Variants in PLXNA2 observed in about 807,000 individuals in gnomAD.
The protein encoded by PLXNA2 is plexin A2.
PLXNA2 carries 91 observed loss-of-function variants against 193.5 expected under a neutral mutation model. The observed-to-expected ratio is 0.47, with a 90% confidence interval of 0.40 to 0.56. The LOEUF (loss-of-function observed/expected upper bound fraction) is 0.56. PLXNA2 is among the 20% of genes least tolerant of loss of function. The probability of loss-of-function intolerance (pLI) is 0.00; values close to 1 mark genes in which losing one functional copy is unlikely to be tolerated. For synonymous variants in PLXNA2, 997 were observed against 1,027.3 expected, an observed-to-expected ratio of 0.97 and a Z score of 0.56; for missense variants, 1,995 against 2,503.2, an observed-to-expected ratio of 0.80 and a Z score of 4.33.
At chr1:208,168,096 C>T (rs1021297444) in intron 3 of PLXNA2, among the ~76,000 whole-genome samples, 3 of 152,178 alleles carry the variant, frequency 2.0e-5, no homozygotes, top group Admixed American at 6.5e-5. Context: ...GGGCAAGTTC[C>T]GCAAGCTTCT....
In PLXNA2 at chr1:208,084,263, T is replaced by G. The variant is rs1571897903; in HGVS notation, c.2298+117A>C. The G allele has an allele frequency of 4.6e-6, 5 of 1,075,662 alleles. No individual in the cohort carries two copies. In the South Asian group the frequency reaches 5.9e-5, roughly 13 times the overall value. 66.6% of individuals were successfully genotyped at this position (1,075,662 alleles called of 1,614,324 possible). On this transcript the variant is annotated intron_variant, in intron 10 of 31. Transcript: ENST00000367033. ...GCTGGCTCCTGCATCCCTGGGGATG[T>G]GGGCTCAGCCTGTGAACCTGGAAGG...
chr1:208,209,983 ATT>A (rs1553297870), intron 3 of PLXNA2: 968 of 87,784 alleles, frequency 0.011, 77 homozygotes, highest in Middle Eastern at 0.052. Context: ...ATGAAGAGCA[ATT>A]TTTTTTTTTT....
At chr1:208,075,320 AAAT>A (rs1198522920) in intron 12 of PLXNA2, among the ~76,000 whole-genome samples, 7 of 151,414 alleles carry the variant, frequency 4.6e-5, no homozygotes, top group South Asian at 4.2e-4. Context: ...AAAAAAAAAA[AAAT>A]AATAAGAAAA....
intron 1 of PLXNA2, among the ~76,000 whole-genome samples, chr1:208,220,111 G>A (rs560104415): frequency 3.9e-5 from 6 of 152,164 alleles, no homozygotes; most frequent in East Asian, 1.9e-4. Context: ...TTGAGGAGCC[G>A]CGAGGGGAGG....
Position 208,028,114 on chromosome 1 carries a change from G to T in PLXNA2, c.5484C>A (p.Asp1828Glu). 6.2e-7 allele frequency: 1 copy of T among 1,613,608 alleles called. No individual in the cohort carries two copies. Among genetic ancestry groups the T allele is most frequent in the Non-Finnish European group, 8.5e-7 (1 of 1,179,770 alleles). The change falls in exon 31 of 32, where the codon GAC becomes GAA. Residue 1828 changes from aspartate to glutamate, a missense_variant. Asp to Glu is a conservative substitution (Grantham distance 45). This residue lies in a region of PLXNA2 where 1,291 missense variants were observed against 1,673.6 expected (regional missense o/e 0.77). Coordinates refer to ENST00000367033, the MANE Select transcript of PLXNA2 (RefSeq NM_025179.4). This position sits in a 1 kb window ranked among gnomAD's most constrained non-coding sequence, Gnocchi z 4.2. Reference sequence around the variant, plus strand: ...ACTGCTCGGCGAGGTAGGCATTCATGTCCTGGTCACTGATGGCTGGGAGCT... The same window carrying T: ...ACTGCTCGGCGAGGTAGGCATTCATTTCCTGGTCACTGATGGCTGGGAGCT... ...IAKLPAISDQ[D>E]MNAYLAEQSR...
intron 3 of PLXNA2, among the ~76,000 whole-genome samples, chr1:208,179,296 G>T (rs756595721): frequency 4.6e-5 from 7 of 152,216 alleles, no homozygotes; most frequent in Non-Finnish European, 7.3e-5. Flanking sequence ...GGTCAGACAG[G>T]CACTTTCCCG....
intron 1 of PLXNA2, among the ~76,000 whole-genome samples, chr1:208,231,139 G>C: frequency 6.6e-6 from 1 of 152,266 alleles, no homozygotes; most frequent in Middle Eastern, 3.4e-3. Flanking sequence ...CACTGTGAGG[G>C]AGAGTGACGG....
At chr1:208,227,994 G>T (rs1015604347) in intron 1 of PLXNA2, among the ~76,000 whole-genome samples, 1 of 152,076 alleles carries the variant, frequency 6.6e-6, no homozygotes, top group Non-Finnish European at 1.5e-5. Flanking sequence ...AAAAAAGGAG[G>T]AACAATGAGG....
At position 208,044,782 on chromosome 1, in the gene PLXNA2, A is replaced by T; in HGVS notation, c.3640-40T>A. The T allele has an allele frequency of 1.3e-6, 2 of 1,497,858 alleles. No homozygotes were observed. Among genetic ancestry groups the T allele is most frequent in the Non-Finnish European group, 9.2e-7 (1 of 1,082,954 alleles). 92.8% of individuals were successfully genotyped at this position (1,497,858 alleles called of 1,614,324 possible). ...CATACAGACGCACATGGATGCACAC[A>T]GGTGTAGAGCCCGGGCATGCCAGCA... On this transcript the variant is annotated intron_variant, in intron 19 of 31. Transcript: ENST00000367033. This position sits in a 1 kb window ranked among gnomAD's most constrained non-coding sequence, Gnocchi z 4.9.
rs185697267 is a variant in PLXNA2 at position 208,087,432 on chromosome 1, G to A, written c.2098-2852C>T. 2.6e-5 allele frequency among the ~76,000 whole-genome samples: 4 copies of A among 151,020 alleles called. No homozygotes were observed. The East Asian group carries it at 7.8e-4, about 29-fold the overall frequency. Reference sequence around the variant, plus strand: ...TTTTTTAAGGGATTCTAGAATTTTAGGAAATTTCCCATGGTCTGCTGTTTC... The same window carrying A: ...TTTTTTAAGGGATTCTAGAATTTTAAGAAATTTCCCATGGTCTGCTGTTTC... On this transcript the variant is annotated intron_variant, in intron 9 of 31. Coordinates refer to ENST00000367033, the MANE Select transcript of PLXNA2 (RefSeq NM_025179.4).
Position 208,244,299 on chromosome 1 carries a change from CGCGGTGGCGGCGGCGGCGGCG to C in PLXNA2, c.-758_-738del. On this transcript the variant is annotated 5_prime_UTR_variant, in exon 1 of 32. Transcript: ENST00000367033. ...CGCTCCTCCCGGCAGCTCTGGCTCCCGCGGTGGCGGCGGCGGCGGCGGCGGCGGCGGCGGCGGAGGAGCCCT... is the reference window on the plus strand; with the variant it reads ...CGCTCCTCCCGGCAGCTCTGGCTCCCGCGGCGGCGGCGGCGGAGGAGCCCT... 3 of 119,100 alleles carry C rather than the reference CGCGGTGGCGGCGGCGGCGGCG, an allele frequency of 2.5e-5. No homozygotes were observed. Among genetic ancestry groups the C allele is most frequent in the Non-Finnish European group, 2.7e-5 (2 of 72,986 alleles). The allele number at this position is 119,100 out of a possible 1,614,324, so 7.4% of individuals were successfully genotyped here.
intron 3 of PLXNA2, among the ~76,000 whole-genome samples, chr1:208,152,974 G>C (rs1668819856): frequency 6.6e-6 from 1 of 151,662 alleles, no homozygotes; most frequent in Non-Finnish European, 1.5e-5. Context: ...AATGTCTCTT[G>C]GCACAGTTAC....
intron 3 of PLXNA2, among the ~76,000 whole-genome samples, chr1:208,208,631 C>G (rs775956041): frequency 2.6e-5 from 4 of 152,186 alleles, no homozygotes; most frequent in African/African-American, 9.7e-5. Context: ...ACACACATGA[C>G]CTGGAGCAGT....
At chr1:208,205,919 C>G (rs1670706121) in intron 3 of PLXNA2, among the ~76,000 whole-genome samples, 1 of 152,194 alleles carries the variant, frequency 6.6e-6, no homozygotes, top group Non-Finnish European at 1.5e-5. Flanking sequence ...GATTGTAAAA[C>G]CAGGTAATCA....
intron 17 of PLXNA2, among the ~76,000 whole-genome samples, chr1:208,049,779 A>G (rs1421730172): frequency 1.3e-5 from 2 of 152,174 alleles, no homozygotes; most frequent in African/African-American, 4.8e-5. Context: ...ACACTCTGTC[A>G]TTTTGTGTAT....
intron 1 of PLXNA2, among the ~76,000 whole-genome samples, chr1:208,232,178 G>T (rs760105741): frequency 4.1e-4 from 62 of 152,302 alleles, no homozygotes; most frequent in Non-Finnish European, 5.9e-4. Context: ...TTGCACAGGT[G>T]GTGGCAGATG....
At chr1:208,033,115 C>T (rs992929285) in intron 28 of PLXNA2, among the ~76,000 whole-genome samples, 1 of 151,458 alleles carries the variant, frequency 6.6e-6, no homozygotes, top group Non-Finnish European at 1.5e-5. Flanking sequence ...AGGCTGGTCC[C>T]ATACTCTTGG....
intron 3 of PLXNA2, among the ~76,000 whole-genome samples, chr1:208,185,715 A>AAAG (rs1558234141): frequency 6.0e-5 from 4 of 66,404 alleles, no homozygotes; most frequent in Non-Finnish European, 1.5e-4. Flanking sequence ...AAAAAAAAAA[A>AAAG]AAAGGAAAAA....
At chr1:208,135,646 T>C (rs1296386501) in intron 4 of PLXNA2, among the ~76,000 whole-genome samples, 4 of 152,204 alleles carry the variant, frequency 2.6e-5, no homozygotes, top group Admixed American at 6.5e-5. Flanking sequence ...CCAGCTTTGA[T>C]GACTCCAGCT....
Sources: allele counts gnomAD v4.1 joint callset (sites outside exome capture counted in the v4.1 genomes callset), GRCh38; gene constraint gnomAD v4.1.1; regional missense constraint gnomAD v4.1.1; non-coding constraint Gnocchi (gnomAD v3.1); transcripts MANE v1.5; gene names NCBI Gene and HGNC (gene_info 2026-07-23, HGNC 2026-07-21).